Variants in SRGAP2 observed in about 807,000 individuals in gnomAD.
SRGAP2 encodes SLIT-ROBO Rho GTPase activating protein 2.
Under a neutral mutation model 57.2 loss-of-function variants are expected in SRGAP2, and 15 were observed. The ratio of observed to expected loss-of-function variants is 0.26; its 90% CI spans 0.18 to 0.40. SRGAP2 has a LOEUF of 0.40. SRGAP2 is among the 10% of genes least tolerant of loss of function. The pLI is 1.00. For synonymous variants in SRGAP2, 249 were observed against 248.0 expected, an observed-to-expected ratio of 1.00 and a Z score of -0.04; for missense variants, 520 against 669.6, an observed-to-expected ratio of 0.78 and a Z score of 2.47.
At chr1:206,244,000 GATTA>G (rs1558247040) in intron 2 of SRGAP2, among the ~76,000 whole-genome samples, 1 of 101,768 alleles carries the variant, frequency 9.8e-6, no homozygotes. Flanking sequence ...GGTGACTACC[GATTA>G]ATTGATTTGA....
intron 3 of SRGAP2, among the ~76,000 whole-genome samples, chr1:206,331,421 C>A (rs1674344599): frequency 5.3e-5 from 3 of 56,754 alleles, no homozygotes; most frequent in Non-Finnish European, 9.4e-5. Flanking sequence ...TAAAGTCTCC[C>A]ATTATTAATG....
intron 2 of SRGAP2, 41 bp downstream of exon 2, chr1:206,206,078 G>A: frequency 6.5e-7 from 1 of 1,534,898 alleles, no homozygotes; most frequent in Non-Finnish European, 8.8e-7. Flanking sequence ...ATGCTCTGTG[G>A]ACTGGTGAGG....
intron 21 of SRGAP2, among the ~76,000 whole-genome samples, chr1:206,456,420 A>AGG (rs1553378484): frequency 3.3e-5 from 5 of 152,104 alleles, no homozygotes; most frequent in Non-Finnish European, 2.9e-5. Flanking sequence ...TTTTTTCCTT[A>AGG]TTTACAATTC....
chr1:206,325,740 A>G (rs1451222005), intron 3 of SRGAP2, among the ~76,000 whole-genome samples: 1 of 152,056 alleles, frequency 6.6e-6, no homozygotes, highest in Non-Finnish European at 1.5e-5. Context: ...AACCTCACTA[A>G]TGGGTTGAAT....
intron 3 of SRGAP2, among the ~76,000 whole-genome samples, chr1:206,325,991 C>T (rs1325394556): frequency 1.3e-5 from 2 of 151,658 alleles, no homozygotes; most frequent in African/African-American, 4.9e-5. Context: ...CTCTCTTTTG[C>T]ATTTATGAAC....
At chr1:206,446,833 C>T (rs919826227) in intron 18 of SRGAP2, among the ~76,000 whole-genome samples, 2 of 152,194 alleles carry the variant, frequency 1.3e-5, no homozygotes, top group Non-Finnish European at 2.9e-5. Context: ...GGACTGTCCT[C>T]CCCTGAAGCA....
At chr1:206,334,001 C>A (rs1415431433) in intron 3 of SRGAP2, among the ~76,000 whole-genome samples, 4 of 152,136 alleles carry the variant, frequency 2.6e-5, no homozygotes, top group African/African-American at 9.7e-5. Context: ...ATTTAGAGCA[C>A]ACAAGCCAAT....
chr1:206,240,962 T>A (rs1237673472), intron 2 of SRGAP2, among the ~76,000 whole-genome samples: 1 of 152,158 alleles, frequency 6.6e-6, no homozygotes, highest in African/African-American at 2.4e-5. Flanking sequence ...GGTGGGTGGA[T>A]TGCTTGAACC....
intron 18 of SRGAP2, among the ~76,000 whole-genome samples, chr1:206,449,446 G>C (rs968244154): frequency 5.4e-5 from 6 of 110,922 alleles, no homozygotes; most frequent in Non-Finnish European, 1.1e-4. Context: ...ATGCACACTG[G>C]CTTTTTTTTT....
intron 4 of SRGAP2, among the ~76,000 whole-genome samples, chr1:206,378,395 A>G (rs1272032783): frequency 6.6e-6 from 1 of 152,094 alleles, no homozygotes; most frequent in Non-Finnish European, 1.5e-5. Flanking sequence ...GAGGAGGATC[A>G]CGTGACAGTT....
intron 10 of SRGAP2, among the ~76,000 whole-genome samples, chr1:206,409,687 T>A (rs112015965): frequency 0.038 from 5,375 of 142,268 alleles, 94 homozygotes; most frequent in African/African-American, 0.09. Flanking sequence ...GAGGCTAAGG[T>A]GGGAGGATTA....
chr1:206,340,783 G>A (rs1227415626), intron 3 of SRGAP2, among the ~76,000 whole-genome samples: 7 of 149,450 alleles, frequency 4.7e-5, no homozygotes, highest in Non-Finnish European at 1.0e-4. Flanking sequence ...TTTGAATTTA[G>A]GATTGTTTCC....
intron 11 of SRGAP2, among the ~76,000 whole-genome samples, chr1:206,418,831 T>G (rs1464826419): frequency 2.0e-5 from 3 of 151,986 alleles, no homozygotes; most frequent in African/African-American, 7.2e-5. Flanking sequence ...AATATCCATA[T>G]CTTCTCTGTT....
At chr1:206,375,421 C>G (rs1553344167) in intron 4 of SRGAP2, among the ~76,000 whole-genome samples, 2 of 152,012 alleles carry the variant, frequency 1.3e-5, no homozygotes, top group Non-Finnish European at 2.9e-5. Context: ...AGATCAGGGC[C>G]TGAAGACATT....
intron 11 of SRGAP2, among the ~76,000 whole-genome samples, chr1:206,417,006 A>T (rs1220757535): frequency 6.6e-6 from 1 of 152,074 alleles, no homozygotes; most frequent in Non-Finnish European, 1.5e-5. Flanking sequence ...TTATTATACC[A>T]GAACCTCCTA....
Position 206,460,649 on chromosome 1 carries a change from A to G in SRGAP2, c.2833-388A>G, listed in dbSNP as rs17018801. Among the ~76,000 whole-genome samples, 1,234 of 152,276 alleles carry G rather than the reference A, an allele frequency of 8.1e-3. 21 individuals carry two copies. Among genetic ancestry groups the G allele is most frequent in the African/African-American group, 0.028 (1,166 of 41,526 alleles). On this transcript the variant is annotated intron_variant, in intron 22 of 22. Coordinates refer to ENST00000573034, the MANE Select transcript of SRGAP2 (RefSeq NM_015326.5). ...ATTATGTACAATTTCAAACCTACCC[A>G]AAAGCAGACAGAACTGGATAACAAA...
intron 14 of SRGAP2, 130 bp from the exon 15 acceptor site, chr1:206,436,835 T>C (rs1661802222): frequency 1.5e-6 from 1 of 688,184 alleles, no homozygotes; most frequent in Admixed American, 2.1e-5. Flanking sequence ...TTTTCTCCTT[T>C]GGCCTAAAGA....
chr1:206,418,585 C>T (rs1659961464), intron 11 of SRGAP2, among the ~76,000 whole-genome samples: 1 of 152,196 alleles, frequency 6.6e-6, no homozygotes, highest in African/African-American at 2.4e-5. Flanking sequence ...ATATATATTA[C>T]ATCATTTCCC....
At chr1:206,322,425 A>G (rs1254848575) in intron 3 of SRGAP2, among the ~76,000 whole-genome samples, 256 of 151,542 alleles carry the variant, frequency 1.7e-3, no homozygotes, top group Non-Finnish European at 2.0e-3. Context: ...ATACAAAAAA[A>G]AAAAATTAGC....
Sources: allele counts gnomAD v4.1 joint callset (sites outside exome capture counted in the v4.1 genomes callset), GRCh38; gene constraint gnomAD v4.1.1; transcripts MANE v1.5; gene names NCBI Gene and HGNC (gene_info 2026-07-23, HGNC 2026-07-21).